STK32A: variants seen among roughly 807,000 people sequenced by gnomAD.
STK32A encodes the protein serine/threonine kinase 32A, also known as serine/threonine-protein kinase 32A.
In STK32A, 41 loss-of-function variants were observed where a neutral mutation model predicts 53.2. That is an observed-to-expected ratio of 0.77 (90% CI 0.60 to 1.00). The LOEUF (loss-of-function observed/expected upper bound fraction) is 1.00, where lower values mean the gene tolerates loss of function less well. STK32A is among the 50% of genes least tolerant of loss of function. The pLI, the probability that STK32A is intolerant of heterozygous loss-of-function variation, is 0.00. For synonymous variants in STK32A, 166 were observed against 162.8 expected, an observed-to-expected ratio of 1.02 and a Z score of -0.15; for missense variants, 458 against 485.8, an observed-to-expected ratio of 0.94 and a Z score of 0.54.
intron 4 of STK32A, among the ~76,000 whole-genome samples, chr5:147,296,042 AACC>A (rs1452097934): frequency 1.3e-5 from 2 of 152,222 alleles, no homozygotes; most frequent in African/African-American, 4.8e-5. Context: ...CAGAGGCAGA[AACC>A]CTTACAAATG....
intron 7 of STK32A, among the ~76,000 whole-genome samples, chr5:147,351,470 C>G (rs1190687663): frequency 1.3e-5 from 2 of 152,110 alleles, no homozygotes; most frequent in African/African-American, 4.8e-5. Context: ...GTTTCAGATG[C>G]CGGTGACCCT....
chr5:147,362,348 G>A (rs1756547247), intron 8 of STK32A, among the ~76,000 whole-genome samples: 1 of 152,154 alleles, frequency 6.6e-6, no homozygotes, highest in African/African-American at 2.4e-5. Flanking sequence ...GTTGGGTTAT[G>A]GTGAAATCTC....
the STK32A span, chr5:147,399,345 A>G: frequency 1.4e-6 from 2 of 1,402,198 alleles, no homozygotes; most frequent in African/African-American, 1.5e-5. Flanking sequence ...CCACAAAGGC[A>G]TAGAAATACA....
In STK32A at chr5:147,318,257, T is replaced by C. The variant is rs189941629; in HGVS notation, c.261-5641T>C. Among the ~76,000 whole-genome samples, 213 of 152,294 alleles carry C rather than the reference T, an allele frequency of 1.4e-3. 1 individual carries two copies. Among genetic ancestry groups the C allele is most frequent in the Non-Finnish European group, 2.3e-3 (158 of 68,020 alleles). On this transcript the variant is annotated intron_variant, in intron 4 of 12. Coordinates refer to ENST00000397936, the MANE Select transcript of STK32A (RefSeq NM_001112724.2). Reference sequence around the variant, plus strand: ...ATCAGAATATAGATATGCCTTTTTGTAGCCATTGAAATGCAAAGAAAAAAA... The same window carrying C: ...ATCAGAATATAGATATGCCTTTTTGCAGCCATTGAAATGCAAAGAAAAAAA...
chr5:147,269,007 G>A (rs1376969676), intron 2 of STK32A, among the ~76,000 whole-genome samples: 3 of 152,144 alleles, frequency 2.0e-5, no homozygotes, highest in Admixed American at 6.6e-5. Flanking sequence ...GAACAGTGTT[G>A]GAGGGCAGCT....
Position 147,369,985 on chromosome 5 carries a change from C to T in STK32A, c.661-669C>T, listed in dbSNP as rs140177840. Among the ~76,000 whole-genome samples, 258 of 152,258 alleles carry T rather than the reference C, an allele frequency of 1.7e-3. 1 individual carries two copies. The highest frequency in any genetic ancestry group is 2.9e-3 in the Admixed American group (44 of 15,290). On this transcript the variant is annotated intron_variant, in intron 8 of 12. Transcript: ENST00000397936. ...AGCTGTGAAAACTACAGCTAATCCACAGTTTTCTTTTGTTTAATTTCTTTT... is the reference window on the plus strand; with the variant it reads ...AGCTGTGAAAACTACAGCTAATCCATAGTTTTCTTTTGTTTAATTTCTTTT...
intron 9 of STK32A, among the ~76,000 whole-genome samples, chr5:147,371,211 C>T (rs957676835): frequency 2.0e-5 from 3 of 152,150 alleles, no homozygotes; most frequent in Non-Finnish European, 4.4e-5. Flanking sequence ...AGCCTTATAA[C>T]GGGTTTGTCC....
downstream of STK32A, chr5:147,390,871 TC>T (rs1419309538): frequency 6.5e-6 from 1 of 152,676 alleles, no homozygotes; most frequent in Non-Finnish European, 1.5e-5. Context: ...TGAACTTTTT[TC>T]TTTAATGTCA....
intron 10 of STK32A, 60 bp downstream of exon 10, chr5:147,373,354 A>T: frequency 1.3e-6 from 2 of 1,592,432 alleles, no homozygotes; most frequent in Non-Finnish European, 1.7e-6. Flanking sequence ...CCGGTGTGCC[A>T]GATTCACACA....
rs571877167 is a variant in STK32A at position 147,282,677 on chromosome 5, G to A, written c.260+3279G>A. Among the ~76,000 whole-genome samples, 14 of 152,154 alleles carry A rather than the reference G, an allele frequency of 9.2e-5. No individual in the cohort carries two copies. The South Asian group carries it at 2.1e-3, about 23-fold the overall frequency. ...AGACAAAACAAACTTTAAAGTAACA[G>A]CAGTTAAAAGAGAGACAAAGAGGGA... On this transcript the variant is annotated intron_variant, in intron 4 of 12. Transcript: ENST00000397936.
intron 11 of STK32A, among the ~76,000 whole-genome samples, chr5:147,382,146 A>G (rs771051559): frequency 5.9e-5 from 9 of 152,192 alleles, no homozygotes; most frequent in Non-Finnish European, 1.0e-4. Context: ...CCTCAGACTC[A>G]GTAATTTCCA....
At chr5:147,326,616 G>A (rs887854216) in intron 5 of STK32A, among the ~76,000 whole-genome samples, 8 of 152,096 alleles carry the variant, frequency 5.3e-5, no homozygotes, top group African/African-American at 1.9e-4. Context: ...AAAAAAATAT[G>A]AGCCACATGA....
intron 10 of STK32A, among the ~76,000 whole-genome samples, chr5:147,374,377 C>T (rs1388744275): frequency 6.6e-6 from 1 of 151,856 alleles, no homozygotes; most frequent in African/African-American, 2.4e-5. Context: ...CAGCAGGAGG[C>T]ATGCTCCAAT....
At chr5:147,389,886 A>G (rs1393804369), downstream of STK32A, among the ~76,000 whole-genome samples, 3 of 152,280 alleles carry the variant, frequency 2.0e-5, no homozygotes, top group East Asian at 5.8e-4. Flanking sequence ...AATAATAAAA[A>G]AAGAGCTTTC....
chr5:147,287,539 A>G (rs1306575481), intron 4 of STK32A, among the ~76,000 whole-genome samples: 2 of 152,220 alleles, frequency 1.3e-5, no homozygotes, highest in Non-Finnish European at 2.9e-5. Context: ...CAAAGCCTCT[A>G]TGCCACAGTT....
At chr5:147,321,406 C>G (rs1754311106) in intron 4 of STK32A, among the ~76,000 whole-genome samples, 1 of 152,146 alleles carries the variant, frequency 6.6e-6, no homozygotes, top group Admixed American at 6.5e-5. Context: ...AATTAAAAAT[C>G]TGAGATGGAG....
intron 2 of STK32A, among the ~76,000 whole-genome samples, chr5:147,251,904 T>C (rs1754016363): frequency 6.6e-6 from 1 of 152,156 alleles, no homozygotes; most frequent in Non-Finnish European, 1.5e-5. Context: ...TATCCATGTA[T>C]TTAACAATTC....
At chr5:147,311,389 T>A (rs1409882372) in intron 4 of STK32A, among the ~76,000 whole-genome samples, 1 of 152,204 alleles carries the variant, frequency 6.6e-6, no homozygotes, top group African/African-American at 2.4e-5. Context: ...AAAATGACCA[T>A]CGAATGAACA....
chr5:147,292,254 G>A (rs969553788), intron 4 of STK32A, among the ~76,000 whole-genome samples: 1 of 152,182 alleles, frequency 6.6e-6, no homozygotes, highest in Non-Finnish European at 1.5e-5. Context: ...ATATCTGAAA[G>A]TATGTCATTT....
Sources: allele counts gnomAD v4.1 joint callset (sites outside exome capture counted in the v4.1 genomes callset), GRCh38; gene constraint gnomAD v4.1.1; transcripts MANE v1.5; gene names NCBI Gene and HGNC (gene_info 2026-07-23, HGNC 2026-07-21).